NUDCD3: variants seen among roughly 807,000 people sequenced by gnomAD.
NUDCD3 encodes NudC domain containing 3, also known as nudC domain-containing protein 3.
NUDCD3 carries 13 observed loss-of-function variants against 39.7 expected under a neutral mutation model. The ratio of observed to expected loss-of-function variants is 0.33; its 90% confidence interval spans 0.21 to 0.52. The LOEUF (loss-of-function observed/expected upper bound fraction) is 0.52, where lower values mean the gene tolerates loss of function less well. NUDCD3 is among the 20% of genes least tolerant of loss of function. The probability of loss-of-function intolerance (pLI) is 0.96; values close to 1 mark genes in which losing one functional copy is unlikely to be tolerated. For synonymous variants in NUDCD3, 175 were observed against 172.4 expected (o/e 1.02, Z -0.12); for missense variants, 453 against 458.1 (o/e 0.99, Z 0.10).
intron 5 of NUDCD3, among the ~76,000 whole-genome samples, chr7:44,389,060 G>C (rs1278734586): frequency 6.6e-6 from 1 of 152,194 alleles, no homozygotes; most frequent in East Asian, 1.9e-4. Flanking sequence ...GTGCCCTAGG[G>C]GCCAAAAAAA....
chr7:44,468,110 A>G, intron 2 of NUDCD3: 1 of 1,609,442 alleles, frequency 6.2e-7, no homozygotes, highest in South Asian at 1.1e-5. Context: ...CATGCTGCCC[A>G]GTGGCTTCCG....
intron 4 of NUDCD3, among the ~76,000 whole-genome samples, chr7:44,401,953 A>G (rs1798735395): frequency 6.6e-6 from 1 of 152,262 alleles, no homozygotes; most frequent in South Asian, 2.1e-4. Flanking sequence ...TGCATCTCAC[A>G]CATTTACCTA....
chr7:44,484,741 G>A (rs1800569026), intron 2 of NUDCD3: 2 of 472,210 alleles, frequency 4.2e-6, no homozygotes, highest in Non-Finnish European at 7.5e-6. Flanking sequence ...GATCTCAAAT[G>A]GTTGTATGAC....
chr7:44,455,416 C>A (rs1264348848), intron 2 of NUDCD3, among the ~76,000 whole-genome samples: 1 of 152,164 alleles, frequency 6.6e-6, no homozygotes, highest in African/African-American at 2.4e-5. Context: ...TTCTTCCCAT[C>A]ACTGCACATC....
At chr7:44,489,725 T>TGTAA (rs112757386) in intron 1 of NUDCD3, 147,862 of 152,180 alleles carry the variant, frequency 0.97, 71,865 homozygotes, top group East Asian at 1. Flanking sequence ...TCTCTTTAAC[T>TGTAA]GTGTCACAAG....
chr7:44,424,342 CAG>C (rs1284765546), intron 3 of NUDCD3, among the ~76,000 whole-genome samples: 2 of 152,128 alleles, frequency 1.3e-5, no homozygotes, highest in Admixed American at 6.5e-5. Context: ...AAACTATCGT[CAG>C]AGTGAACAGG....
chr7:44,403,486 G>A (rs185655136), intron 4 of NUDCD3, among the ~76,000 whole-genome samples: 1 of 152,342 alleles, frequency 6.6e-6, no homozygotes, highest in Admixed American at 6.5e-5. Context: ...CAAGACCAGA[G>A]TCAAGGTTGG....
intron 2 of NUDCD3, among the ~76,000 whole-genome samples, chr7:44,428,915 C>A (rs977258953): frequency 1.3e-5 from 2 of 152,288 alleles, no homozygotes; most frequent in Non-Finnish European, 2.9e-5. Context: ...GATTAGCAGA[C>A]AAAACCTGGC....
At chr7:44,415,346 A>G (rs1329308687) in intron 3 of NUDCD3, among the ~76,000 whole-genome samples, 2 of 152,222 alleles carry the variant, frequency 1.3e-5, no homozygotes, top group African/African-American at 2.4e-5. Flanking sequence ...AGAGAGAGAG[A>G]GGGAGTCAGC....
intron 2 of NUDCD3, among the ~76,000 whole-genome samples, chr7:44,465,738 C>A (rs1008669177): frequency 6.6e-6 from 1 of 151,962 alleles, no homozygotes; most frequent in African/African-American, 2.4e-5. Context: ...CAGAACAGAG[C>A]CACAGACAGG....
intron 3 of NUDCD3, among the ~76,000 whole-genome samples, chr7:44,405,109 G>C (rs940945891): frequency 1.3e-5 from 2 of 152,124 alleles, no homozygotes; most frequent in African/African-American, 4.8e-5. Flanking sequence ...ACTATAGCCT[G>C]GTCTTCATCC....
At chr7:44,488,077 C>T (rs984729298) in intron 1 of NUDCD3, among the ~76,000 whole-genome samples, 2 of 152,140 alleles carry the variant, frequency 1.3e-5, no homozygotes, top group African/African-American at 4.8e-5. Flanking sequence ...TGGCTCACAC[C>T]TGTAATCCTA....
chr7:44,441,937 C>G (rs75328708), intron 2 of NUDCD3, among the ~76,000 whole-genome samples: 1 of 152,124 alleles, frequency 6.6e-6, no homozygotes, highest in Admixed American at 6.5e-5. Context: ...ACTCCTTGAT[C>G]CACAGCCACA....
At chr7:44,460,924 T>C (rs540671680) in intron 2 of NUDCD3, among the ~76,000 whole-genome samples, 4 of 152,338 alleles carry the variant, frequency 2.6e-5, no homozygotes, top group African/African-American at 7.2e-5. Flanking sequence ...TTTTCCTCCA[T>C]TGGAAAATCT....
rs141160934 is a variant in NUDCD3 at position 44,387,993 on chromosome 7, G to A, written c.976-1872C>T. On this transcript the variant is annotated intron_variant, in intron 5 of 5. Coordinates refer to ENST00000355451, the MANE Select transcript of NUDCD3 (RefSeq NM_015332.4). ...ACATTCCACATTCTCTTTCTAGATG[G>A]GGGAATCCTGCTCATAAAAAATTAA... Among the ~76,000 whole-genome samples, 22 of 152,304 alleles carry A rather than the reference G, an allele frequency of 1.4e-4. No individual in the cohort carries two copies. The East Asian group carries it at 3.7e-3, about 25-fold the overall frequency.
intron 2 of NUDCD3, among the ~76,000 whole-genome samples, chr7:44,468,461 G>A (rs565937289): frequency 6.6e-6 from 1 of 151,670 alleles, no homozygotes; most frequent in Non-Finnish European, 1.5e-5. Context: ...CTGAATGCCC[G>A]GTCTCTAGAC....
chr7:44,444,308 C>T (rs1048978985), intron 2 of NUDCD3, among the ~76,000 whole-genome samples: 3 of 152,082 alleles, frequency 2.0e-5, no homozygotes, highest in Non-Finnish European at 4.4e-5. Context: ...GCCCCTCTGC[C>T]CCTCTTCTTT....
chr7:44,473,269 T>G (rs1035045468), intron 2 of NUDCD3, among the ~76,000 whole-genome samples: 4 of 152,196 alleles, frequency 2.6e-5, no homozygotes, highest in Admixed American at 2.6e-4. Context: ...TATTTTATGT[T>G]TTATGGACCA....
At position 44,485,127 on chromosome 7, in the gene NUDCD3, T is replaced by G; in HGVS notation, c.350A>C (p.Glu117Ala). The G allele has an allele frequency of 2.5e-6, 4 of 1,614,216 alleles. No individual in the cohort carries two copies. The highest frequency in any genetic ancestry group is 3.4e-6 in the Non-Finnish European group (4 of 1,180,048). Residue 117 changes from glutamate to alanine, a missense_variant, in exon 2 of 6, where the codon GAG becomes GCG. Transcript: ENST00000355451. ...ATCCAATTCTGTGGTGGAGTCAATC[T>G]CTATTTCCTGGACTGGAACTGGGAC... The part of the protein sequence containing the change: ...EPVPVPVQEI[E>A]IDSTTELDGH...
Sources: allele counts gnomAD v4.1 joint callset (sites outside exome capture counted in the v4.1 genomes callset), GRCh38; gene constraint gnomAD v4.1.1; transcripts MANE v1.5; gene names NCBI Gene and HGNC (gene_info 2026-07-23, HGNC 2026-07-21).